Variants in PPP1R36 observed in about 807,000 individuals in gnomAD.
PPP1R36 encodes the protein protein phosphatase 1 regulatory subunit 36.
PPP1R36 carries 47 observed loss-of-function variants against 53.4 expected under a neutral mutation model. The ratio of observed to expected loss-of-function variants is 0.88; its 90% CI spans 0.70 to 1.12. PPP1R36 has a LOEUF of 1.12. Among genes scored for constraint, PPP1R36 ranks in the 50% most tolerant of loss-of-function variants. The pLI is 0.00. For missense variants in PPP1R36, 456 were observed against 513.9 expected (o/e 0.89, Z 1.09); for synonymous variants, 153 against 170.5 (o/e 0.90, Z 0.80).
At chr14:64,550,151 C>G (rs1596718723) in intron 1 of PPP1R36, 85 bp downstream of exon 1, 2 of 1,502,500 alleles carry the variant, frequency 1.3e-6, no homozygotes, top group East Asian at 5.3e-5. Flanking sequence ...GCCCCTCGCC[C>G]TCCTCCAGAG....
intron 2 of PPP1R36, among the ~76,000 whole-genome samples, chr14:64,552,470 CAGAG>C (rs2080102716): frequency 6.6e-6 from 1 of 152,022 alleles, no homozygotes; most frequent in Non-Finnish European, 1.5e-5. Context: ...GCCTGGGCGA[CAGAG>C]AGAGACTCCA....
intron 6 of PPP1R36, among the ~76,000 whole-genome samples, chr14:64,566,637 G>C (rs2080259724): frequency 6.6e-6 from 1 of 152,174 alleles, no homozygotes; most frequent in Non-Finnish European, 1.5e-5. Context: ...ATGCGTGGCT[G>C]TGCCTCACGT....
intron 6 of PPP1R36, among the ~76,000 whole-genome samples, chr14:64,566,426 G>A (rs2140230714): frequency 7.2e-6 from 1 of 139,162 alleles, no homozygotes; most frequent in African/African-American, 2.7e-5. Flanking sequence ...CTGGGCGACA[G>A]AGCAAGACTC....
At chr14:64,550,640 C>T (rs2080086890) in intron 1 of PPP1R36, among the ~76,000 whole-genome samples, 1 of 152,100 alleles carries the variant, frequency 6.6e-6, no homozygotes, top group Admixed American at 6.6e-5. Flanking sequence ...TCCTACTTTC[C>T]TCCCTTCCTT....
chr14:64,587,211 T>C lies in PPP1R36; in HGVS notation c.729T>C (p.Cys243=). The change falls in exon 10 of 12, where the codon TGT becomes TGC. Residue 243 remains cysteine, a synonymous_variant. Transcript: ENST00000298705. The part of the protein sequence containing the change: ...WKFFESFYTF[C]TYVAWIVFRR... ...TGTTGTAGTCCTTTTATACTTTCTGTACATATGTGGCTTGGATTGTCTTCC... is the reference window on the plus strand; with the variant it reads ...TGTTGTAGTCCTTTTATACTTTCTGCACATATGTGGCTTGGATTGTCTTCC... 1 of 1,609,580 alleles carries C rather than the reference T, an allele frequency of 6.2e-7. No individual in the cohort carries two copies. Among genetic ancestry groups the C allele is most frequent in the Middle Eastern group, 1.7e-4 (1 of 6,044 alleles).
chr14:64,571,718 T>C (rs1040323524), intron 7 of PPP1R36, among the ~76,000 whole-genome samples: 3 of 152,136 alleles, frequency 2.0e-5, no homozygotes, highest in Non-Finnish European at 4.4e-5. Context: ...ATGTTTCTAA[T>C]AAAGACATAC....
chr14:64,576,267 G>A (rs373846585), intron 8 of PPP1R36, among the ~76,000 whole-genome samples: 61 of 151,754 alleles, frequency 4.0e-4, no homozygotes, highest in African/African-American at 1.4e-3. Flanking sequence ...TTTTAGTAGA[G>A]ATGGGGTTTC....
intron 2 of PPP1R36, chr14:64,551,607 G>A: frequency 2.2e-6 from 1 of 456,306 alleles, no homozygotes; most frequent in Non-Finnish European, 4.4e-6. Flanking sequence ...ACTGTGGAAA[G>A]TGAACATTAA....
chr14:64,562,688 C>A (rs2080214235), intron 3 of PPP1R36, among the ~76,000 whole-genome samples: 1 of 151,992 alleles, frequency 6.6e-6, no homozygotes, highest in Non-Finnish European at 1.5e-5. Context: ...GCAGTAAATG[C>A]CAGACTATTG....
intron 8 of PPP1R36, among the ~76,000 whole-genome samples, chr14:64,581,307 C>T (rs1423328848): frequency 1.3e-5 from 2 of 152,134 alleles, no homozygotes; most frequent in African/African-American, 4.8e-5. Context: ...ATGTACATGA[C>T]TTCTAGGCCT....
chr14:64,574,317 T>C, intron 7 of PPP1R36, 138 bp from the exon 8 acceptor site: 1 of 802,952 alleles, frequency 1.2e-6, no homozygotes, highest in Non-Finnish European at 1.9e-6. Flanking sequence ...ATCGCACCAC[T>C]GCACTCCAGC....
intron 8 of PPP1R36, among the ~76,000 whole-genome samples, chr14:64,584,932 G>A (rs1433847111): frequency 6.6e-6 from 1 of 152,192 alleles, no homozygotes; most frequent in Non-Finnish European, 1.5e-5. Context: ...CACTCTAATT[G>A]CTATTGCCGT....
chr14:64,571,372 C>A (rs2080302034), intron 7 of PPP1R36, among the ~76,000 whole-genome samples: 1 of 152,104 alleles, frequency 6.6e-6, no homozygotes, highest in Admixed American at 6.5e-5. Context: ...GGTGATCCAC[C>A]CACCTCAGCC....
chr14:64,563,446 AG>A (rs906455250), intron 3 of PPP1R36, among the ~76,000 whole-genome samples: 4 of 110,416 alleles, frequency 3.6e-5, no homozygotes, highest in Admixed American at 1.0e-4. Context: ...ACTTGGTGCC[AG>A]TCATCTTAAA....
rs2080246551 is a variant in PPP1R36 at position 64,565,684 on chromosome 14, A to C, written c.426A>C (p.Thr142=). 35 of 1,610,812 alleles carry C rather than the reference A, an allele frequency of 2.2e-5. No homozygotes were observed. Among genetic ancestry groups the C allele is most frequent in the Non-Finnish European group, 3.0e-5 (35 of 1,177,084 alleles). The change falls in exon 6 of 12, where the codon ACA becomes ACC. Residue 142 remains threonine, a synonymous_variant. Coordinates refer to ENST00000298705, the MANE Select transcript of PPP1R36 (RefSeq NM_172365.3). ...TEMQRICSFT[T]FMRNKNLDNF... ...TGCAGCGGATCTGTTCTTTTACAAC[A>C]TTTATGAGGTATCTATTGCTTATGA...
At chr14:64,550,545 G>A (rs1299240437) in intron 1 of PPP1R36, among the ~76,000 whole-genome samples, 1 of 152,192 alleles carries the variant, frequency 6.6e-6, no homozygotes, top group African/African-American at 2.4e-5. Flanking sequence ...CAATTAATTG[G>A]TAGATTGCTA....
chr14:64,571,486 T>G (rs1016982758), intron 7 of PPP1R36, among the ~76,000 whole-genome samples: 1 of 152,108 alleles, frequency 6.6e-6, no homozygotes. Flanking sequence ...TCTTCATAAT[T>G]ATAATTTTTA....
chr14:64,557,842 C>T (rs1002861873), intron 3 of PPP1R36, among the ~76,000 whole-genome samples: 1 of 152,116 alleles, frequency 6.6e-6, no homozygotes, highest in African/African-American at 2.4e-5. Context: ...AACCCCGTCT[C>T]TACTAAAAAT....
intron 3 of PPP1R36, among the ~76,000 whole-genome samples, chr14:64,558,188 G>A (rs2080173190): frequency 6.6e-6 from 1 of 152,178 alleles, no homozygotes; most frequent in African/African-American, 2.4e-5. Flanking sequence ...GATCCATAGG[G>A]ACTAGGTGAG....
Sources: gnomAD v4.1 joint callset for allele counts (sites outside exome capture counted in the v4.1 genomes callset) on GRCh38, gnomAD v4.1.1 for gene constraint, MANE v1.5 for transcripts, NCBI Gene and HGNC (gene_info 2026-07-23, HGNC 2026-07-21) for gene names.